SLC24A2: variants seen among roughly 807,000 people sequenced by gnomAD.
SLC24A2 encodes solute carrier family 24 member 2, also known as sodium/potassium/calcium exchanger 2.
A neutral mutation model predicts 62.0 loss-of-function variants in SLC24A2; 36 were observed. That is an observed-to-expected ratio of 0.58 (90% CI 0.44 to 0.77). The LOEUF (loss-of-function observed/expected upper bound fraction) is 0.77, where lower values mean the gene tolerates loss of function less well. SLC24A2 is among the 30% of genes least tolerant of loss of function. The pLI is 0.00. For synonymous variants in SLC24A2, 358 were observed against 294.0 expected (o/e 1.22, Z -2.23); for missense variants, 846 against 817.9 (o/e 1.03, Z -0.42).
At chr9:20,056,488 C>T in the SLC24A2 span, among the ~76,000 whole-genome samples, 1 of 152,194 alleles carries the variant, frequency 6.6e-6, no homozygotes, top group Non-Finnish European at 1.5e-5. Context: ...GATTAATAAT[C>T]TGAAGTTCTT....
At chr9:20,122,254 G>A in the SLC24A2 span, among the ~76,000 whole-genome samples, 12 of 152,310 alleles carry the variant, frequency 7.9e-5, no homozygotes, top group Admixed American at 3.9e-4. Context: ...TACTAAGCCC[G>A]CCCTTGTTTT....
At chr9:20,193,053 T>G in the SLC24A2 span, among the ~76,000 whole-genome samples, 3,864 of 152,244 alleles carry the variant, frequency 0.025, 176 homozygotes, top group African/African-American at 0.086. Flanking sequence ...TCATAAGAGG[T>G]CTAAAGTCAG....
chr9:19,577,070 G>C (rs1375284399), intron 5 of SLC24A2, 48 bp from the exon 6 acceptor site: 2 of 1,478,954 alleles, frequency 1.4e-6, no homozygotes, highest in Non-Finnish European at 9.5e-7. Flanking sequence ...AGAAAGAAGA[G>C]AGTCTCAGGG....
the SLC24A2 span, among the ~76,000 whole-genome samples, chr9:20,266,892 A>G: frequency 6.6e-6 from 1 of 152,116 alleles, no homozygotes; most frequent in African/African-American, 2.4e-5. Flanking sequence ...CACCTGGTCA[A>G]CAGAATGAGA....
At chr9:19,529,390 A>G (rs1833590564) in intron 8 of SLC24A2, among the ~76,000 whole-genome samples, 1 of 152,178 alleles carries the variant, frequency 6.6e-6, no homozygotes, top group Non-Finnish European at 1.5e-5. Flanking sequence ...TATTGCTCCA[A>G]ACCAGGCTTA....
chr9:19,556,693 C>G (rs1267896911), intron 7 of SLC24A2, among the ~76,000 whole-genome samples: 1 of 152,152 alleles, frequency 6.6e-6, no homozygotes, highest in African/African-American at 2.4e-5. Flanking sequence ...GAAGCCTGTT[C>G]AGTGTGGAAT....
At chr9:20,302,399 T>C in the SLC24A2 span, among the ~76,000 whole-genome samples, 35,080 of 152,178 alleles carry the variant, frequency 0.23, 5,080 homozygotes, top group Middle Eastern at 0.43. Context: ...GCATTTAGTG[T>C]TGTCAGTGTT....
chr9:19,729,108 T>A (rs1280706010), intron 2 of SLC24A2, among the ~76,000 whole-genome samples: 1 of 152,110 alleles, frequency 6.6e-6, no homozygotes, highest in Admixed American at 6.5e-5. Flanking sequence ...AAATAAGATA[T>A]ACTAATGGCC....
At chr9:20,297,512 G>C in the SLC24A2 span, among the ~76,000 whole-genome samples, 1 of 152,170 alleles carries the variant, frequency 6.6e-6, no homozygotes, top group Non-Finnish European at 1.5e-5. Flanking sequence ...TGTAAATGAG[G>C]AAAGGGTCTC....
intron 2 of SLC24A2, among the ~76,000 whole-genome samples, chr9:19,711,131 AT>A (rs1820703586): frequency 6.6e-6 from 1 of 152,174 alleles, no homozygotes; most frequent in African/African-American, 2.4e-5. Flanking sequence ...CTGCATTTCT[AT>A]TTGAGGGGTC....
At chr9:20,288,978 T>C in the SLC24A2 span, among the ~76,000 whole-genome samples, 51 of 152,076 alleles carry the variant, frequency 3.4e-4, 1 homozygote, top group African/African-American at 1.2e-3. Context: ...GACAAGTCCC[T>C]GAGTCAGAGC....
the SLC24A2 span, among the ~76,000 whole-genome samples, chr9:20,035,985 G>A: frequency 6.6e-6 from 1 of 152,146 alleles, no homozygotes; most frequent in African/African-American, 2.4e-5. Flanking sequence ...GCAAGAGAAA[G>A]AGAGAATGAA....
the SLC24A2 span, among the ~76,000 whole-genome samples, chr9:19,836,792 C>T: frequency 6.6e-6 from 1 of 152,156 alleles, no homozygotes. Context: ...GAATTTTAGA[C>T]CAAAATCCTT....
At chr9:20,194,888 A>T in the SLC24A2 span, among the ~76,000 whole-genome samples, 1 of 152,046 alleles carries the variant, frequency 6.6e-6, no homozygotes, top group Non-Finnish European at 1.5e-5. Flanking sequence ...ATCTTTTCCC[A>T]TCACAACCAC....
At chr9:20,028,343 A>G in the SLC24A2 span, among the ~76,000 whole-genome samples, 2 of 152,226 alleles carry the variant, frequency 1.3e-5, no homozygotes, top group Non-Finnish European at 2.9e-5. Flanking sequence ...TGGTTCAGCC[A>G]GCACTCTGCT....
chr9:19,934,979 T>C, the SLC24A2 span, among the ~76,000 whole-genome samples: 1 of 152,118 alleles, frequency 6.6e-6, no homozygotes, highest in Non-Finnish European at 1.5e-5. The surrounding 1 kb of genome is among the most constrained non-coding windows in gnomAD (Gnocchi z 4.1). Context: ...GTTTTCCTCG[T>C]GGGAAAGGAG....
At chr9:19,925,665 T>C in the SLC24A2 span, among the ~76,000 whole-genome samples, 1 of 152,262 alleles carries the variant, frequency 6.6e-6, no homozygotes, top group Middle Eastern at 3.4e-3. Flanking sequence ...ACAGGAAAGC[T>C]AATTATTAGA....
chr9:19,910,971 G>T, the SLC24A2 span, among the ~76,000 whole-genome samples: 1 of 150,634 alleles, frequency 6.6e-6, no homozygotes, highest in African/African-American at 2.4e-5. Context: ...CAATGTGCAG[G>T]TTAGTTACAT....
chr9:19,775,004 C>T (rs1019176599), intron 2 of SLC24A2, among the ~76,000 whole-genome samples: 12 of 152,150 alleles, frequency 7.9e-5, no homozygotes, highest in African/African-American at 2.9e-4. Context: ...AAAGAGAAGA[C>T]GCTTGGGGCA....
Sources: allele counts gnomAD v4.1 joint callset (sites outside exome capture counted in the v4.1 genomes callset), GRCh38; gene constraint gnomAD v4.1.1; non-coding constraint Gnocchi (gnomAD v3.1); transcripts MANE v1.5; gene names NCBI Gene and HGNC (gene_info 2026-07-23, HGNC 2026-07-21).